The following PLCB1 variants were observed in gnomAD, a reference collection of about 807,000 sequenced individuals.
The protein encoded by PLCB1 is 1-phosphatidylinositol 4,5-bisphosphate phosphodiesterase beta-1.
PLCB1 carries 46 observed loss-of-function variants against 161.8 expected under a neutral mutation model. The observed-to-expected ratio is 0.28, with a 90% CI of 0.22 to 0.36. The LOEUF is 0.36. PLCB1 is among the 10% of genes least tolerant of loss of function. The pLI, the probability that PLCB1 is intolerant of heterozygous loss-of-function variation, is 1.00. For synonymous variants in PLCB1, 517 were observed against 503.7 expected, an observed-to-expected ratio of 1.03 and a Z score of -0.35; for missense variants, 1,016 against 1,472.5, an observed-to-expected ratio of 0.69 and a Z score of 5.07.
In PLCB1 at chr20:8,724,765, TG is replaced by T; in HGVS notation, c.1678+15del. The stretch of plus-strand genomic sequence containing the variant: ...GAAATTTCAAAAAGTAAGTTTTCCC[TG>T]GAGAAAAACCCCTCTTGCAGCATAT... On this transcript the variant is annotated intron_variant, in intron 16 of 31. Coordinates refer to ENST00000338037, the MANE Select transcript of PLCB1 (RefSeq NM_015192.4). 6.8e-7 allele frequency: 1 copy of T among 1,461,810 alleles called. No homozygotes were observed. The highest frequency in any genetic ancestry group is 1.1e-5 in the South Asian group (1 of 87,306). The allele number at this position is 1,461,810 out of a possible 1,614,324, so 90.6% of individuals were successfully genotyped here.
At chr20:8,644,991 T>A (rs920311518) in intron 4 of PLCB1, among the ~76,000 whole-genome samples, 4 of 152,164 alleles carry the variant, frequency 2.6e-5, no homozygotes, top group Non-Finnish European at 5.9e-5. Context: ...TAAGAAAAAT[T>A]CTTATCCTGT....
At chr20:8,822,212 A>G (rs1288809802) in intron 31 of PLCB1, among the ~76,000 whole-genome samples, 1 of 152,202 alleles carries the variant, frequency 6.6e-6, no homozygotes, top group Admixed American at 6.5e-5. Flanking sequence ...TTTGCAGACT[A>G]AATAGTTGGG....
chr20:8,697,534 G>T, intron 10 of PLCB1, 92 bp from the exon 11 acceptor site: 3 of 1,302,136 alleles, frequency 2.3e-6, no homozygotes, highest in Non-Finnish European at 2.2e-6. Context: ...TAGACTCTTT[G>T]TTTTCCTGTT....
intron 2 of PLCB1, among the ~76,000 whole-genome samples, chr20:8,217,333 G>T (rs1036231689): frequency 6.6e-6 from 1 of 152,106 alleles, no homozygotes; most frequent in African/African-American, 2.4e-5. Context: ...TGAAGGCCAA[G>T]ATCTGCTGAT....
intron 3 of PLCB1, among the ~76,000 whole-genome samples, chr20:8,372,558 G>A (rs896118077): frequency 2.6e-5 from 4 of 152,086 alleles, no homozygotes; most frequent in African/African-American, 9.7e-5. Context: ...ATTCAAGAAG[G>A]CTTCTATAAG....
At chr20:8,684,010 A>G (rs1334371720) in intron 9 of PLCB1, among the ~76,000 whole-genome samples, 5 of 151,234 alleles carry the variant, frequency 3.3e-5, no homozygotes, top group Non-Finnish European at 5.9e-5. Context: ...CAGCCTCCCG[A>G]GTAGCTGGGA....
At chr20:8,617,838 T>TA (rs1568531088) in intron 3 of PLCB1, among the ~76,000 whole-genome samples, 8 of 151,906 alleles carry the variant, frequency 5.3e-5, no homozygotes, top group Admixed American at 2.0e-4. Flanking sequence ...GAAAAAAAGG[T>TA]TATATATATA....
At chr20:8,350,852 G>A (rs560491561) in intron 2 of PLCB1, among the ~76,000 whole-genome samples, 24 of 152,250 alleles carry the variant, frequency 1.6e-4, no homozygotes, top group African/African-American at 5.8e-4. Context: ...ATAAGTTGAA[G>A]AAAGTCTAAT....
At chr20:8,805,488 G>A (rs1380620343) in intron 31 of PLCB1, among the ~76,000 whole-genome samples, 1 of 152,078 alleles carries the variant, frequency 6.6e-6, no homozygotes, top group Non-Finnish European at 1.5e-5. Flanking sequence ...AGAAAACATA[G>A]TTCCTACATG....
Position 8,592,286 on chromosome 20 carries a change from AT to A in PLCB1, c.247-36007del, listed in dbSNP as rs545557185. 1.2e-3 allele frequency among the ~76,000 whole-genome samples: 179 copies of A among 152,342 alleles called. 1 individual carries two copies. The highest frequency in any genetic ancestry group is 3.8e-3 in the African/African-American group (157 of 41,582). ...ACAAACCATTAATACAGTAAAAAAA[AT>A]AATGTGTTCAGGATAACTAAGCAGC... is the stretch of plus-strand genomic sequence containing the variant. On this transcript the variant is annotated intron_variant, in intron 3 of 31. Coordinates refer to ENST00000338037, the MANE Select transcript of PLCB1 (RefSeq NM_015192.4).
chr20:8,356,251 A>G (rs1986358357), intron 2 of PLCB1, among the ~76,000 whole-genome samples: 1 of 152,228 alleles, frequency 6.6e-6, no homozygotes, highest in African/African-American at 2.4e-5. Flanking sequence ...TCCACAAGAT[A>G]AATGTTACCA....
At chr20:8,785,107 TA>T (rs1279676559) in intron 27 of PLCB1, among the ~76,000 whole-genome samples, 1 of 133,684 alleles carries the variant, frequency 7.5e-6, no homozygotes, top group East Asian at 2.6e-4. Context: ...AAAAACCAAT[TA>T]GGGGGCCAAC....
intron 3 of PLCB1, among the ~76,000 whole-genome samples, chr20:8,389,634 C>T (rs1198087129): frequency 6.6e-6 from 1 of 152,180 alleles, no homozygotes; most frequent in Non-Finnish European, 1.5e-5. Context: ...ATTTGGGAAA[C>T]ATTTCTCAAT....
chr20:8,242,643 T>C (rs1324655395), intron 2 of PLCB1, among the ~76,000 whole-genome samples: 1 of 151,850 alleles, frequency 6.6e-6, no homozygotes, highest in Non-Finnish European at 1.5e-5. Context: ...GATACATTAG[T>C]CGACTTAGAG....
chr20:8,748,226 G>A (rs1408932739), intron 23 of PLCB1, among the ~76,000 whole-genome samples: 1 of 152,100 alleles, frequency 6.6e-6, no homozygotes, highest in Non-Finnish European at 1.5e-5. Context: ...TACAGATTTG[G>A]CATTCACAAT....
At chr20:8,518,956 C>T (rs569299644) in intron 3 of PLCB1, among the ~76,000 whole-genome samples, 1 of 152,002 alleles carries the variant, frequency 6.6e-6, no homozygotes, top group African/African-American at 2.4e-5. Flanking sequence ...GGTTCTTGCT[C>T]CTATAAGAAT....
chr20:8,290,395 G>A (rs1983332844), intron 2 of PLCB1, among the ~76,000 whole-genome samples: 1 of 152,168 alleles, frequency 6.6e-6, no homozygotes, highest in Admixed American at 6.5e-5. Flanking sequence ...TGTCAAATAA[G>A]TCATATTATG....
intron 10 of PLCB1, among the ~76,000 whole-genome samples, chr20:8,685,303 C>G (rs1600250374): frequency 9.5e-6 from 1 of 105,640 alleles, no homozygotes; most frequent in African/African-American, 3.0e-5. Context: ...GTTTTTAAGT[C>G]TTCTAAAATG....
chr20:8,713,323 CA>C (rs1347580087), intron 12 of PLCB1, among the ~76,000 whole-genome samples: 8 of 152,246 alleles, frequency 5.3e-5, no homozygotes, highest in African/African-American at 1.7e-4. Flanking sequence ...GCTGGTATTA[CA>C]GGCACGCACC....
Sources: gnomAD v4.1 joint callset for allele counts (sites outside exome capture counted in the v4.1 genomes callset) on GRCh38, gnomAD v4.1.1 for gene constraint, MANE v1.5 for transcripts, NCBI Gene and HGNC (gene_info 2026-07-23, HGNC 2026-07-21) for gene names.